STK32B: variants seen among roughly 807,000 people sequenced by gnomAD.
The protein encoded by STK32B is serine/threonine-protein kinase 32B.
A neutral mutation model predicts 52.6 loss-of-function variants in STK32B; 43 were observed. That is an observed-to-expected ratio of 0.82 (90% CI 0.64 to 1.05). The LOEUF (loss-of-function observed/expected upper bound fraction) is 1.05, where lower values mean the gene tolerates loss of function less well. Ranked by LOEUF, STK32B falls within the 50% of genes least tolerant of loss-of-function variation. The pLI is 0.00. For synonymous variants in STK32B, 238 were observed against 204.3 expected (o/e 1.17, Z -1.41); for missense variants, 621 against 534.6 (o/e 1.16, Z -1.59).
In STK32B at chr4:5,393,247, C is replaced by T. The variant is rs559200562; in HGVS notation, c.435-4960C>T. Among the ~76,000 whole-genome samples, 26 of 152,276 alleles carry T rather than the reference C, an allele frequency of 1.7e-4. No individual in the cohort carries two copies. In the South Asian group the frequency reaches 5.0e-3, roughly 29 times the overall value. ...CAACCTCCTACTGAAATGTCTTTGC[C>T]CCACTCTGTTATTATTCATAATCGC... is the stretch of plus-strand genomic sequence containing the variant. On this transcript the variant is annotated intron_variant, in intron 4 of 11. Transcript: ENST00000282908.
chr4:5,154,010 T>C (rs1341684898), intron 2 of STK32B, among the ~76,000 whole-genome samples: 1 of 152,080 alleles, frequency 6.6e-6, no homozygotes, highest in African/African-American at 2.4e-5. Context: ...ATATGAAAAG[T>C]AAAGGATCTA....
chr4:5,192,573 T>C (rs75465371), intron 3 of STK32B, among the ~76,000 whole-genome samples: 4,692 of 152,298 alleles, frequency 0.031, 194 homozygotes, highest in African/African-American at 0.099. Context: ...AAACAATTTT[T>C]TTCCAGCTTT....
intron 3 of STK32B, among the ~76,000 whole-genome samples, chr4:5,207,616 C>T (rs193105208): frequency 1.2e-3 from 188 of 151,932 alleles, no homozygotes; most frequent in Non-Finnish European, 2.0e-3. Context: ...TCCCAGTCCG[C>T]GAGGGTGGCA....
Position 5,203,663 on chromosome 4 carries a change from C to T in STK32B, c.260+35213C>T, listed in dbSNP as rs533772125. On this transcript the variant is annotated intron_variant, in intron 3 of 11. Coordinates refer to ENST00000282908, the MANE Select transcript of STK32B (RefSeq NM_018401.3). ...ACTGCCTGATACGGCGCACAGTACT[C>T]AATCATTATTCACTGCAACCTAGAA... Among the ~76,000 whole-genome samples, 154 of 152,326 alleles carry T rather than the reference C, an allele frequency of 1.0e-3. 4 individuals are homozygous for T. In the South Asian group the frequency reaches 0.023, roughly 23 times the overall value.
chr4:5,292,560 T>C (rs1411349094), intron 3 of STK32B, among the ~76,000 whole-genome samples: 1 of 152,064 alleles, frequency 6.6e-6, no homozygotes, highest in Non-Finnish European at 1.5e-5. Context: ...GGGTGCATAA[T>C]TTGCAAATAT....
rs150307146 is a variant in STK32B, at chr4:5,070,332, G to A, written c.52+18417G>A. On this transcript the variant is annotated intron_variant, in intron 1 of 11. Coordinates refer to ENST00000282908, the MANE Select transcript of STK32B (RefSeq NM_018401.3). Reference sequence around the variant, plus strand: ...GCTGATGTGGATCAAGCTGACTTTCGTGTCCTGGAGTGTTGTTTTTGCTGT... The same window carrying A: ...GCTGATGTGGATCAAGCTGACTTTCATGTCCTGGAGTGTTGTTTTTGCTGT... Among the ~76,000 whole-genome samples, 105 of 152,194 alleles carry A rather than the reference G, an allele frequency of 6.9e-4. 2 individuals carry two copies. In the East Asian group the frequency reaches 0.015, roughly 21 times the overall value.
intron 1 of STK32B, among the ~76,000 whole-genome samples, chr4:5,093,268 C>G (rs111867320): frequency 1.4e-4 from 21 of 152,106 alleles, no homozygotes; most frequent in African/African-American, 4.8e-4. Context: ...AAAACATACA[C>G]ACAGACACAG....
At chr4:5,420,526 AG>A (rs1174158029) in intron 6 of STK32B, among the ~76,000 whole-genome samples, 4 of 152,312 alleles carry the variant, frequency 2.6e-5, no homozygotes, top group Non-Finnish European at 5.9e-5. Context: ...TAGGGGACCC[AG>A]CAAGAGCAGT....
At chr4:5,486,449 T>A (rs536925862) in intron 11 of STK32B, among the ~76,000 whole-genome samples, 1 of 152,130 alleles carries the variant, frequency 6.6e-6, no homozygotes, top group South Asian at 2.1e-4. Context: ...AGTATTAGGG[T>A]GGGAGGGACC....
At chr4:5,311,523 G>C (rs72616108) in intron 3 of STK32B, among the ~76,000 whole-genome samples, 3 of 152,072 alleles carry the variant, frequency 2.0e-5, no homozygotes, top group Admixed American at 6.6e-5. Flanking sequence ...ATTTAAGAAA[G>C]TTGATCAAGC....
chr4:5,175,955 C>T (rs116530252), intron 3 of STK32B, among the ~76,000 whole-genome samples: 28,551 of 152,244 alleles, frequency 0.19, 3,386 homozygotes, highest in East Asian at 0.31. Context: ...TCCACCCACT[C>T]GAGCTTCCCA....
At chr4:5,183,576 T>A (rs1720517984) in intron 3 of STK32B, among the ~76,000 whole-genome samples, 4 of 152,200 alleles carry the variant, frequency 2.6e-5, no homozygotes, top group Admixed American at 2.6e-4. Context: ...CCAATACTTG[T>A]ACGAAGTGAG....
intron 1 of STK32B, among the ~76,000 whole-genome samples, chr4:5,087,372 G>A (rs1712789992): frequency 6.6e-6 from 1 of 151,840 alleles, no homozygotes; most frequent in South Asian, 2.1e-4. Context: ...AAAGAAGGCA[G>A]TAATAGAGGA....
rs559874347 is a variant in STK32B at position 5,167,689 on chromosome 4, C to T, written c.109-610C>T. On this transcript the variant is annotated intron_variant, in intron 2 of 11. Transcript: ENST00000282908. Reference sequence around the variant, plus strand: ...CTGGCATCAGCCTCATCCCAGGTGACGGGCAAGGGAGTGGGGGTACTGATA... The same window carrying T: ...CTGGCATCAGCCTCATCCCAGGTGATGGGCAAGGGAGTGGGGGTACTGATA... 1.9e-4 allele frequency among the ~76,000 whole-genome samples: 29 copies of T among 152,338 alleles called. No homozygotes were observed. The South Asian group carries it at 3.7e-3, about 20-fold the overall frequency.
chr4:5,325,809 G>T (rs1362762513), intron 3 of STK32B, among the ~76,000 whole-genome samples: 3 of 152,118 alleles, frequency 2.0e-5, no homozygotes, highest in African/African-American at 7.2e-5. Flanking sequence ...CCATGACAAT[G>T]TTCAGCACTA....
intron 3 of STK32B, among the ~76,000 whole-genome samples, chr4:5,260,532 C>T (rs10001056): frequency 0.12 from 18,410 of 152,094 alleles, 3,056 homozygotes; most frequent in African/African-American, 0.38. Context: ...GAGGAGGCAC[C>T]ATTTGATCTA....
At chr4:5,316,339 ATATAT>A (rs1159490175) in intron 3 of STK32B, among the ~76,000 whole-genome samples, 13 of 39,328 alleles carry the variant, frequency 3.3e-4, no homozygotes, top group African/African-American at 1.3e-3. Context: ...ATACAATATA[ATATAT>A]TATATCATAT....
chr4:5,050,868 G>T (rs991240821), upstream of STK32B, among the ~76,000 whole-genome samples: 2 of 152,172 alleles, frequency 1.3e-5, no homozygotes, highest in Non-Finnish European at 2.9e-5. Flanking sequence ...GGACGCCGAT[G>T]CCGCCCAATT....
At chr4:5,037,287 T>C in the STK32B span, among the ~76,000 whole-genome samples, 4 of 152,192 alleles carry the variant, frequency 2.6e-5, no homozygotes, top group African/African-American at 4.8e-5. Context: ...GCAACAGCAA[T>C]ATTTCTCATG....
Sources: gnomAD v4.1 joint callset for allele counts (sites outside exome capture counted in the v4.1 genomes callset) on GRCh38, gnomAD v4.1.1 for gene constraint, MANE v1.5 for transcripts, NCBI Gene and HGNC (gene_info 2026-07-23, HGNC 2026-07-21) for gene names.